The following CD80 variants were observed in gnomAD, a reference collection of about 807,000 sequenced individuals.
CD80 encodes the protein CD80 molecule, also known as T-lymphocyte activation antigen CD80.
A neutral mutation model predicts 27.1 loss-of-function variants in CD80; 13 were observed. The observed-to-expected ratio is 0.48, with a 90% CI of 0.31 to 0.76. The LOEUF (loss-of-function observed/expected upper bound fraction) is 0.76, where lower values mean the gene tolerates loss of function less well. Among genes scored for constraint, CD80 ranks in the 30% least tolerant of loss-of-function variants. CD80 has a pLI of 0.04. For missense variants in CD80, 277 were observed against 347.9 expected (o/e 0.80, Z 1.62); for synonymous variants, 125 against 125.5 (o/e 1.00, Z 0.03).
intron 4 of CD80, among the ~76,000 whole-genome samples, chr3:119,530,648 G>T (rs1285500961): frequency 2.0e-5 from 3 of 152,082 alleles, no homozygotes; most frequent in African/African-American, 2.4e-5. Flanking sequence ...TGGTGCTGCG[G>T]GTCCATCCCT....
intron 4 of CD80, among the ~76,000 whole-genome samples, chr3:119,534,353 C>T (rs917417684): frequency 5.5e-5 from 6 of 109,450 alleles, no homozygotes; most frequent in African/African-American, 2.1e-4. Flanking sequence ...GCCTGGGCAA[C>T]AAGAGTGAAA....
chr3:119,527,856 C>G lies in CD80; in HGVS notation c.797-15G>C. 1.2e-6 allele frequency: 2 copies of G among 1,607,474 alleles called. No individual in the cohort carries two copies. The highest frequency in any genetic ancestry group is 1.7e-6 in the Non-Finnish European group (2 of 1,174,136). The stretch of plus-strand genomic sequence containing the variant: ...TGGGGCAAAGCCTTGGAGACAAGAA[C>G]AAACAATAAAAATGATAAGTAAGTT... On this transcript the variant is annotated splice_polypyrimidine_tract_variant and intron_variant, in intron 5 of 6. Coordinates refer to ENST00000264246, the MANE Select transcript of CD80 (RefSeq NM_005191.4).
At chr3:119,546,236 G>A (rs1165284239) in intron 2 of CD80, among the ~76,000 whole-genome samples, 1 of 152,156 alleles carries the variant, frequency 6.6e-6, no homozygotes, top group Non-Finnish European at 1.5e-5. Flanking sequence ...AGAGAAGTCA[G>A]TCCTGACTAA....
intron 2 of CD80, among the ~76,000 whole-genome samples, chr3:119,551,583 A>C (rs1399973669): frequency 6.6e-6 from 1 of 152,078 alleles, no homozygotes; most frequent in African/African-American, 2.4e-5. Flanking sequence ...GAGCCCCTTG[A>C]CCTTGGACTT....
At chr3:119,531,807 G>A (rs1220464262) in intron 4 of CD80, among the ~76,000 whole-genome samples, 1 of 152,060 alleles carries the variant, frequency 6.6e-6, no homozygotes, top group Non-Finnish European at 1.5e-5. Context: ...GGGATTACAG[G>A]GGCGTGCCAC....
intron 4 of CD80, among the ~76,000 whole-genome samples, chr3:119,531,544 G>C (rs180850300): frequency 6.7e-4 from 102 of 152,354 alleles, no homozygotes; most frequent in African/African-American, 2.4e-3. Context: ...GTCGGAGGCA[G>C]GAGCATGCAC....
At chr3:119,552,607 G>A (rs774643722) in intron 2 of CD80, among the ~76,000 whole-genome samples, 5 of 151,756 alleles carry the variant, frequency 3.3e-5, no homozygotes, top group African/African-American at 9.7e-5. Flanking sequence ...TGGCCAAGGC[G>A]GGTGGATTGC....
At chr3:119,542,431 GTTTTA>G (rs371387577) in intron 3 of CD80, among the ~76,000 whole-genome samples, 1,816 of 152,240 alleles carry the variant, frequency 0.012, 39 homozygotes, top group African/African-American at 0.042. Context: ...TAATCATTAT[GTTTTA>G]TTAAGTAAGA....
intron 3 of CD80, among the ~76,000 whole-genome samples, chr3:119,541,499 C>G (rs1435289811): frequency 6.6e-6 from 1 of 152,120 alleles, no homozygotes; most frequent in African/African-American, 2.4e-5. Flanking sequence ...CCAAATAAAC[C>G]CTTTGGTTCT....
In CD80 at chr3:119,546,815, A is replaced by AACACACACACACACAC. The variant is rs10661634; in HGVS notation, c.101-1964_101-1949dup. Among the ~76,000 whole-genome samples, 507 of 149,352 alleles carry AACACACACACACACAC rather than the reference A, an allele frequency of 3.4e-3. 2 individuals are homozygous for AACACACACACACACAC. The highest frequency in any genetic ancestry group is 6.9e-3 in the Middle Eastern group (2 of 288). ...TCTCCCCACAATCACGTGATGCAACAACACACACACACACACACACACACA... is the reference window on the plus strand; with the variant it reads ...TCTCCCCACAATCACGTGATGCAACAACACACACACACACACACACACACACACACACACACACACA... On this transcript the variant is annotated intron_variant, in intron 2 of 6. Transcript: ENST00000264246.
chr3:119,557,641 G>T lies in CD80; in HGVS notation c.88C>A (p.His30Asn), dbSNP rs2082271655. 6.2e-7 allele frequency: 1 copy of T among 1,613,156 alleles called. No homozygotes were observed. The highest frequency in any genetic ancestry group is 8.5e-7 in the Non-Finnish European group (1 of 1,179,464). ...GAAAGTTGCTTACCTGAACAGAAGT[G>T]AGAAAGACCAGCCAGCACCAAGAGC... ...FQLLVLAGLS[H>N]FCSGVIHVTK... Residue 30 changes from histidine (H) to asparagine (N), a missense_variant, in exon 2 of 7, where the codon CAC (histidine) becomes AAC (asparagine). Physicochemically the swap from His to Asn is moderately conservative, Grantham distance 68. Transcript: ENST00000264246.
chr3:119,527,390 C>G (rs2082073053), intron 6 of CD80: 1 of 187,444 alleles, frequency 5.3e-6, no homozygotes, highest in Admixed American at 6.0e-5. Flanking sequence ...CAACCCATGT[C>G]CATCAATACT....
chr3:119,541,103 T>A (rs771518905), intron 3 of CD80, among the ~76,000 whole-genome samples: 2 of 151,986 alleles, frequency 1.3e-5, no homozygotes, highest in African/African-American at 4.8e-5. Flanking sequence ...CTAAACTCCA[T>A]CTCCCACCTT....
In CD80 at chr3:119,555,674, G is replaced by A. The variant is rs540498942; in HGVS notation, c.100+1955C>T. Among the ~76,000 whole-genome samples, 10 of 152,338 alleles carry A rather than the reference G, an allele frequency of 6.6e-5. No homozygotes were observed. The East Asian group carries it at 1.3e-3, about 21-fold the overall frequency. ...TGCCTGTGCCCTGCCTTCAAAGCAC[G>A]TGGCTTTGTTTGTTGGCCACACTTT... On this transcript the variant is annotated intron_variant, in intron 2 of 6. Transcript: ENST00000264246.
At chr3:119,533,523 A>T (rs2082120628) in intron 4 of CD80, among the ~76,000 whole-genome samples, 1 of 151,716 alleles carries the variant, frequency 6.6e-6, no homozygotes, top group South Asian at 2.1e-4. Flanking sequence ...GGAGGAACCC[A>T]GTGGGAGGTG....
intron 4 of CD80, among the ~76,000 whole-genome samples, chr3:119,533,673 T>C (rs985168640): frequency 6.6e-6 from 1 of 152,330 alleles, no homozygotes; most frequent in Non-Finnish European, 1.5e-5. Context: ...AGACATGACT[T>C]GCTCCTCCTT....
At position 119,537,303 on chromosome 3, in the gene CD80, A is replaced by C. The variant is rs144056979; in HGVS notation, c.534T>G (p.Asn178Lys). Residue 178 changes from asparagine (N) to lysine (K), a missense_variant, in exon 4 of 7, where the codon AAT becomes AAG. Asn to Lys is a moderately conservative substitution (Grantham distance 94). Transcript: ENST00000264246. ...TGTTGATGGCATTTAATTCTTCTCC[A>C]TTTTCCAACCAGGAGAGGTGAGGCT... is the stretch of plus-strand genomic sequence containing the variant. ...FPEPHLSWLE[N>K]GEELNAINTT... 1 of 1,613,936 alleles carries C rather than the reference A, an allele frequency of 6.2e-7. No individual in the cohort carries two copies. The highest frequency in any genetic ancestry group is 2.2e-5 in the East Asian group (1 of 44,864).
chr3:119,532,256 C>T (rs934756540), intron 4 of CD80, among the ~76,000 whole-genome samples: 22 of 152,228 alleles, frequency 1.4e-4, no homozygotes, highest in Admixed American at 6.5e-4. Context: ...AATTCTGGCA[C>T]TTTGGGAGGC....
At chr3:119,559,000 C>T (rs2082278857) in intron 1 of CD80, among the ~76,000 whole-genome samples, 1 of 152,022 alleles carries the variant, frequency 6.6e-6, no homozygotes, top group Non-Finnish European at 1.5e-5. Flanking sequence ...TAGCCATCAT[C>T]CATTTTAGAC....
Sources: gnomAD v4.1 joint callset for allele counts (sites outside exome capture counted in the v4.1 genomes callset) on GRCh38, gnomAD v4.1.1 for gene constraint, MANE v1.5 for transcripts, NCBI Gene and HGNC (gene_info 2026-07-23, HGNC 2026-07-21) for gene names.